CACNA1E: variants seen among roughly 807,000 people sequenced by gnomAD.
CACNA1E encodes calcium voltage-gated channel subunit alpha1 E, also known as voltage-dependent R-type calcium channel subunit alpha-1E.
A neutral mutation model predicts 259.2 loss-of-function variants in CACNA1E; 40 were observed. That is an observed-to-expected ratio of 0.15 (90% CI 0.12 to 0.20). CACNA1E has a LOEUF of 0.20. Among genes scored for constraint, CACNA1E ranks in the 10% least tolerant of loss-of-function variants. The pLI is 1.00. For missense variants in CACNA1E, 1,874 were observed against 3,040.1 expected, an observed-to-expected ratio of 0.62 and a Z score of 9.02; for synonymous variants, 1,104 against 1,138.5, an observed-to-expected ratio of 0.97 and a Z score of 0.61.
chr1:181,383,186 C>G (rs905955037), intron 1 of CACNA1E, among the ~76,000 whole-genome samples: 2 of 152,174 alleles, frequency 1.3e-5, no homozygotes, highest in East Asian at 3.8e-4. Flanking sequence ...TTATCTCAGC[C>G]CAATTGTTAT....
intron 43 of CACNA1E, among the ~76,000 whole-genome samples, chr1:181,786,224 G>T (rs564057598): frequency 1.8e-4 from 28 of 152,276 alleles, no homozygotes; most frequent in Non-Finnish European, 3.5e-4. Context: ...TGTAAGAGGG[G>T]AATAAAACCA....
chr1:181,579,430 T>C (rs999171177), intron 5 of CACNA1E, among the ~76,000 whole-genome samples: 1 of 152,156 alleles, frequency 6.6e-6, no homozygotes, highest in South Asian at 2.1e-4. Context: ...AAAGCAAATA[T>C]GTAGTTGGAA....
At chr1:181,432,383 G>A (rs1221970063) in intron 2 of CACNA1E, among the ~76,000 whole-genome samples, 1 of 151,822 alleles carries the variant, frequency 6.6e-6, no homozygotes, top group African/African-American at 2.4e-5. Context: ...ATTTTTTAAT[G>A]TTTTCATTCA....
chr1:181,766,683 C>CCAG, intron 35 of CACNA1E, 72 bp downstream of exon 35: 1 of 1,119,036 alleles, frequency 8.9e-7, no homozygotes, highest in Non-Finnish European at 1.3e-6. Flanking sequence ...GCAACCTAAG[C>CCAG]ATGCAAGACC....
At chr1:181,614,041 T>A (rs1654991028) in intron 6 of CACNA1E, among the ~76,000 whole-genome samples, 1 of 152,206 alleles carries the variant, frequency 6.6e-6, no homozygotes, top group South Asian at 2.1e-4. Flanking sequence ...TGACTTCAAT[T>A]TTTTTCAAAT....
intron 2 of CACNA1E, among the ~76,000 whole-genome samples, chr1:181,429,560 G>C (rs1226276529): frequency 5.3e-5 from 8 of 152,194 alleles, no homozygotes; most frequent in African/African-American, 1.9e-4. Context: ...AGTTTGCCTG[G>C]GTCTATTGCT....
intron 43 of CACNA1E, 61 bp downstream of exon 43, chr1:181,785,880 G>C (rs1660810251): frequency 5.4e-6 from 6 of 1,101,282 alleles, no homozygotes; most frequent in Non-Finnish European, 6.8e-6. Context: ...ATGCTGTTGT[G>C]CAGACCCCAA....
At chr1:181,332,279 C>T (rs536106789) in intron 1 of CACNA1E, among the ~76,000 whole-genome samples, 27 of 152,258 alleles carry the variant, frequency 1.8e-4, no homozygotes, top group African/African-American at 6.3e-4. Context: ...GGCTTAATAC[C>T]TAGGTGATGG....
chr1:181,626,323 C>T (rs367882434), intron 6 of CACNA1E, among the ~76,000 whole-genome samples: 3 of 152,036 alleles, frequency 2.0e-5, no homozygotes, highest in Non-Finnish European at 2.9e-5. Context: ...TACAATAAAA[C>T]GAAGTGCAGT....
At chr1:181,469,340 G>A (rs918516576) in intron 2 of CACNA1E, among the ~76,000 whole-genome samples, 10 of 152,196 alleles carry the variant, frequency 6.6e-5, no homozygotes, top group Non-Finnish European at 1.3e-4. Context: ...TGTTGTGGGA[G>A]TTGGAGTCAA....
intron 1 of CACNA1E, among the ~76,000 whole-genome samples, chr1:181,367,713 A>G (rs1371218241): frequency 6.6e-6 from 1 of 151,474 alleles, no homozygotes; most frequent in African/African-American, 2.4e-5. Context: ...CTAGTTGACT[A>G]CTTAAAAATG....
intron 1 of CACNA1E, among the ~76,000 whole-genome samples, chr1:181,410,417 C>T (rs1237275935): frequency 6.6e-6 from 1 of 152,174 alleles, no homozygotes; most frequent in Non-Finnish European, 1.5e-5. Flanking sequence ...AGCTCAAAAG[C>T]ATTGAGGCCT....
chr1:181,416,604 C>T (rs72729376), intron 2 of CACNA1E, among the ~76,000 whole-genome samples: 13,719 of 152,188 alleles, frequency 0.09, 764 homozygotes, highest in South Asian at 0.17. Context: ...CTTATTTCTG[C>T]TGGAGCCTCC....
In CACNA1E at chr1:181,605,312, G is replaced by C. The variant is rs567228440; in HGVS notation, c.951+24536G>C. On this transcript the variant is annotated intron_variant, in intron 6 of 47. Coordinates refer to ENST00000367573, the MANE Select transcript of CACNA1E (RefSeq NM_001205293.3). ...GGGGAGACAGAAGCAGAAGAAAAAG[G>C]GGAGGGTGGGGTGGGGGAGAAAGCA... Among the ~76,000 whole-genome samples the C allele has an allele frequency of 3.4e-4, 52 of 152,022 alleles. 1 individual carries two copies. The South Asian group carries it at 0.011, about 31-fold the overall frequency.
chr1:181,750,221 C>T (rs542531868), intron 25 of CACNA1E, among the ~76,000 whole-genome samples: 2 of 152,384 alleles, frequency 1.3e-5, no homozygotes, highest in East Asian at 1.9e-4. Flanking sequence ...AGAGGGCCTT[C>T]GCCCCTGCAG....
chr1:181,352,763 C>G (rs16857141), intron 1 of CACNA1E, among the ~76,000 whole-genome samples: 6,313 of 152,196 alleles, frequency 0.041, 183 homozygotes, highest in African/African-American at 0.081. Flanking sequence ...GGTGCGGGCT[C>G]TTGACTGTAA....
At chr1:181,607,552 T>C (rs913620746) in intron 6 of CACNA1E, among the ~76,000 whole-genome samples, 4 of 152,190 alleles carry the variant, frequency 2.6e-5, no homozygotes, top group Non-Finnish European at 1.5e-5. Context: ...AGCTGGGCGT[T>C]CCTGGCCATG....
intron 6 of CACNA1E, among the ~76,000 whole-genome samples, chr1:181,634,695 A>G (rs1181189412): frequency 6.6e-6 from 1 of 152,146 alleles, no homozygotes; most frequent in Non-Finnish European, 1.5e-5. Flanking sequence ...TAGAAACTCC[A>G]GCAAAGGCCA....
intron 3 of CACNA1E, among the ~76,000 whole-genome samples, chr1:181,573,403 A>G (rs773161904): frequency 4.6e-5 from 7 of 152,182 alleles, no homozygotes; most frequent in Non-Finnish European, 7.3e-5. Flanking sequence ...AAGCCCTGGT[A>G]CTTACAAGGC....
Sources: allele counts gnomAD v4.1 joint callset (sites outside exome capture counted in the v4.1 genomes callset), GRCh38; gene constraint gnomAD v4.1.1; transcripts MANE v1.5; gene names NCBI Gene and HGNC (gene_info 2026-07-23, HGNC 2026-07-21).